The following MED12 variants were observed in gnomAD, a reference collection of about 807,000 sequenced individuals.
The protein encoded by MED12 is mediator of RNA polymerase II transcription subunit 12.
Under a neutral mutation model 177.7 loss-of-function variants are expected in MED12, and 10 were observed. The ratio of observed to expected loss-of-function variants is 0.06; its 90% CI spans 0.03 to 0.10. The LOEUF (loss-of-function observed/expected upper bound fraction) is 0.10, where lower values mean the gene tolerates loss of function less well. MED12 is among the 10% of genes least tolerant of loss of function. MED12 has a pLI of 1.00. For synonymous variants in MED12, 641 were observed against 678.4 expected, an observed-to-expected ratio of 0.94 and a Z score of 0.86; for missense variants, 867 against 1,780.8, an observed-to-expected ratio of 0.49 and a Z score of 9.23.
Position 71,140,639 on chromosome X carries a change from T to C in MED12, c.6049T>C (p.Ser2017Pro). 8.3e-7 allele frequency: 1 copy of C among 1,211,101 alleles called. No homozygotes were observed. Among genetic ancestry groups the C allele is most frequent in the African/African-American group, 1.7e-5 (1 of 57,601 alleles). The change falls in exon 42 of 45, where the codon TCA (serine) becomes CCA (proline). Residue 2017 changes from serine (S) to proline (P), a missense_variant. Physicochemically the swap from Ser to Pro is moderately conservative, Grantham distance 74. This residue lies in a region of MED12 where 236 missense variants were observed against 345.2 expected (regional missense o/e 0.68). Coordinates refer to ENST00000374080, the MANE Select transcript of MED12 (RefSeq NM_005120.3). ...CTGACCCTCTTATCTTTGGAGGTTTTCACACCAGACACTGCAGCAGACACC... is the reference window on the plus strand; with the variant it reads ...CTGACCCTCTTATCTTTGGAGGTTTCCACACCAGACACTGCAGCAGACACC... ...GHGLTSTQRF[S>P]HQTLQQTPMI...
intron 41 of MED12, among the ~76,000 whole-genome samples, chrX:71,138,754 CA>C (rs1230071600): frequency 1.4e-4 from 13 of 90,143 alleles, no homozygotes; most frequent in Non-Finnish European, 6.6e-5. Context: ...GACCCTGTCT[CA>C]AAAAAAAAAG....
chrX:71,138,501 G>C (rs1310353527), intron 41 of MED12, among the ~76,000 whole-genome samples: 1 of 109,525 alleles, frequency 9.1e-6, no homozygotes. Context: ...TAATTTTTTG[G>C]ATTTTTAGTT....
chrX:71,131,660 T>C, intron 29 of MED12, 39 bp downstream of exon 29: 1 of 1,167,761 alleles, frequency 8.6e-7, no homozygotes, highest in Non-Finnish European at 1.2e-6. Flanking sequence ...TGTGCTCACG[T>C]TCAGCTCCAT....
chrX:71,132,209 C>T lies in MED12; in HGVS notation c.4253+3C>T, dbSNP rs1245833753. On this transcript the variant is annotated splice_donor_region_variant and intron_variant, in intron 30 of 44. Transcript: ENST00000374080. ...AGCAAGACCAAGCCTGTGCTCAGGT[C>T]GGATAGAAACATGTTAGGACCCATC... 19 of 1,208,106 alleles carry T rather than the reference C, an allele frequency of 1.6e-5. No individual in the cohort carries two copies. Among genetic ancestry groups the T allele is most frequent in the East Asian group, 3.0e-5 (1 of 33,772 alleles).
chrX:71,130,004 G>T (rs1238175549), intron 27 of MED12, 31 bp from the exon 28 acceptor site: 6 of 1,200,016 alleles, frequency 5.0e-6, no homozygotes, highest in Non-Finnish European at 5.6e-6. Context: ...CTCACTGGTT[G>T]TTCCCAGTCC....
intron 41 of MED12, among the ~76,000 whole-genome samples, chrX:71,138,417 C>G (rs2092338054): frequency 9.0e-6 from 1 of 110,547 alleles, no homozygotes; most frequent in Non-Finnish European, 1.9e-5. Flanking sequence ...GCCTCGACCT[C>G]TGAGGCTCAG....
chrX:71,127,268 G>C, intron 20 of MED12, 68 bp from the exon 21 acceptor site: 1 of 1,188,618 alleles, frequency 8.4e-7, no homozygotes, highest in Admixed American at 2.3e-5. Context: ...ATTTCCCAGA[G>C]GCTTGAATCT....
Position 71,132,516 on chromosome X carries a change from C to A in MED12, c.4393C>A (p.Arg1465Ser). 8.4e-7 allele frequency: 1 copy of A among 1,191,335 alleles called. No homozygotes were observed. Among genetic ancestry groups the A allele is most frequent in the Non-Finnish European group, 1.1e-6 (1 of 884,932 alleles). Residue 1465 changes from arginine to serine, a missense_variant, in exon 31 of 45, where the codon CGT (arginine) becomes AGT (serine). Physicochemically the swap from Arg to Ser is moderately radical, Grantham distance 110. This residue lies in a region of MED12 where 17 missense variants were observed against 76.7 expected (regional missense o/e 0.22). Transcript: ENST00000374080. ...CCTGGGTTCCTCTTCACGCAAAGAACGTGATCGACAAAAGCAGAAGAGGTA... is the reference window on the plus strand; with the variant it reads ...CCTGGGTTCCTCTTCACGCAAAGAAAGTGATCGACAAAAGCAGAAGAGGTA... ...QHLGSSSRKE[R>S]DRQKQKSMSL...
In MED12 at chrX:71,125,150, C is replaced by G. The variant is rs1325830226; in HGVS notation, c.2226+4C>G. 3.3e-6 allele frequency: 4 copies of G among 1,208,374 alleles called. No homozygotes were observed. The African/African-American group carries it at 5.3e-5, about 16-fold the overall frequency. On this transcript the variant is annotated splice_donor_region_variant and intron_variant, in intron 15 of 44. Coordinates refer to ENST00000374080, the MANE Select transcript of MED12 (RefSeq NM_005120.3). ...CACCCATTTTCCCATCCCCCAGGTA[C>G]TATTCCCCAGCACCTTGTGATGATC...
chrX:71,138,072 CCA>C, intron 41 of MED12, 129 bp downstream of exon 41: 2 of 627,758 alleles, frequency 3.2e-6, no homozygotes, highest in Non-Finnish European at 5.2e-6. Context: ...ACTTATCTGG[CCA>C]CATAGCCCAT....
At chrX:71,125,623 G>A in intron 16 of MED12, 40 bp from the exon 17 acceptor site, 3 of 1,192,647 alleles carry the variant, frequency 2.5e-6, no homozygotes, top group Non-Finnish European at 3.4e-6. Flanking sequence ...GAGAGCTCTA[G>A]TCCTTTTGAA....
rs775255445 is a variant in MED12 at position 71,122,727 on chromosome X, T to C, written c.1349-11T>C. 1.2e-5 allele frequency: 14 copies of C among 1,210,075 alleles called. No individual in the cohort carries two copies. In the African/African-American group the frequency reaches 2.4e-4, roughly 21 times the overall value. On this transcript the variant is annotated splice_polypyrimidine_tract_variant and intron_variant, in intron 9 of 44. Transcript: ENST00000374080. The stretch of plus-strand genomic sequence containing the variant: ...TCTGGTTCAGTCCCCTTTACCACTT[T>C]TCCTCCTTAGGCTTCACCATTGGAC...
chrX:71,128,276 G>C lies in MED12; in HGVS notation c.3210-20G>C, dbSNP rs1032124326. 1 of 1,211,678 alleles carries C rather than the reference G, an allele frequency of 8.3e-7. No individual in the cohort carries two copies. The highest frequency in any genetic ancestry group is 1.8e-5 in the South Asian group (1 of 56,995). The stretch of plus-strand genomic sequence containing the variant: ...TTGTGGAGCAAGGTTTTTCCTGAGG[G>C]CATTTGTACTTTTCCCTAGGGTGAA... On this transcript the variant is annotated intron_variant, in intron 22 of 44. Coordinates refer to ENST00000374080, the MANE Select transcript of MED12 (RefSeq NM_005120.3).
chrX:71,126,870 G>A (rs1222510357), intron 19 of MED12, 99 bp from the exon 20 acceptor site: 6 of 905,398 alleles, frequency 6.6e-6, no homozygotes, highest in Non-Finnish European at 9.6e-6. Context: ...CCAGCAGGAA[G>A]GGGCTCAGGC....
chrX:71,136,701 T>G, intron 37 of MED12, 46 bp downstream of exon 37: 4 of 1,201,432 alleles, frequency 3.3e-6, no homozygotes, highest in Non-Finnish European at 4.5e-6. Context: ...TCTCACTTCA[T>G]GACGCTCCGG....
At chrX:71,141,601 C>T (rs1347103949) in intron 43 of MED12, among the ~76,000 whole-genome samples, 2 of 111,623 alleles carry the variant, frequency 1.8e-5, no homozygotes, top group African/African-American at 3.3e-5. Flanking sequence ...CCAGCCTGGC[C>T]AAGATGGTGA....
At chrX:71,131,877 A>G (rs1174021081) in intron 29 of MED12, among the ~76,000 whole-genome samples, 196 bp from the exon 30 acceptor site, 1 of 111,268 alleles carries the variant, frequency 9.0e-6, no homozygotes, top group Non-Finnish European at 1.9e-5. Flanking sequence ...GGAGGTATGT[A>G]AAGGAGAAGA....
chrX:71,136,816 C>T, intron 37 of MED12, 63 bp from the exon 38 acceptor site: 1 of 1,201,448 alleles, frequency 8.3e-7, no homozygotes, highest in Non-Finnish European at 1.1e-6. Flanking sequence ...CCTCATTCTC[C>T]CCCAGCTCCC....
At position 71,137,353 on chromosome X, in the gene MED12, C is replaced by T. The variant is rs746436864; in HGVS notation, c.5718C>T (p.Pro1906=). The part of the protein sequence containing the change: ...SVYRQQQPAV[P]QGQRLRQQLQ... ...ACCGGCAGCAGCAACCTGCGGTGCCCCAAGGACAGCGCCTTCGCCAACAGC... is the reference window on the plus strand; with the variant it reads ...ACCGGCAGCAGCAACCTGCGGTGCCTCAAGGACAGCGCCTTCGCCAACAGC... Residue 1906 remains proline, a synonymous_variant, in exon 39 of 45, where the codon CCC becomes CCT. Transcript: ENST00000374080. 6 of 1,209,623 alleles carry T rather than the reference C, an allele frequency of 5.0e-6. No homozygotes were observed. The Admixed American group carries it at 8.7e-5, about 18-fold the overall frequency.
Sources: gnomAD v4.1 joint callset for allele counts (sites outside exome capture counted in the v4.1 genomes callset) on GRCh38, gnomAD v4.1.1 for gene constraint, gnomAD v4.1.1 regional missense constraint, MANE v1.5 for transcripts, NCBI Gene and HGNC (gene_info 2026-07-23, HGNC 2026-07-21) for gene names.